SMC6: variants seen among roughly 807,000 people sequenced by gnomAD.
SMC6 encodes the protein structural maintenance of chromosomes protein 6.
SMC6 carries 79 observed loss-of-function variants against 142.2 expected under a neutral mutation model. The observed-to-expected ratio is 0.56, with a 90% confidence interval of 0.46 to 0.67. The LOEUF is 0.67. Ranked by LOEUF, SMC6 falls within the 30% of genes least tolerant of loss-of-function variation. SMC6 has a pLI of 0.00. For missense variants in SMC6, 1,072 were observed against 1,284.0 expected, an observed-to-expected ratio of 0.83 and a Z score of 2.52; for synonymous variants, 411 against 412.4, an observed-to-expected ratio of 1.00 and a Z score of 0.04.
chr2:17,727,479 T>C (rs1044923878), intron 7 of SMC6, among the ~76,000 whole-genome samples: 1 of 149,408 alleles, frequency 6.7e-6, no homozygotes, highest in Non-Finnish European at 1.5e-5. Context: ...CTTGTGATCA[T>C]GTGAGTTAAT....
intron 6 of SMC6, 84 bp from the exon 7 acceptor site, chr2:17,731,223 A>AT (rs1669900728): frequency 1.1e-6 from 1 of 893,592 alleles, no homozygotes; most frequent in African/African-American, 1.7e-5. Flanking sequence ...CAAAATATAA[A>AT]TATTAGTTAG....
At chr2:17,724,787 T>C (rs1572333711) in intron 9 of SMC6, among the ~76,000 whole-genome samples, 1 of 152,360 alleles carries the variant, frequency 6.6e-6, no homozygotes, top group African/African-American at 2.4e-5. Context: ...TAAGGAATGT[T>C]AACATTTTAC....
intron 24 of SMC6, among the ~76,000 whole-genome samples, chr2:17,682,723 C>A (rs1178756653): frequency 6.6e-6 from 1 of 152,072 alleles, no homozygotes; most frequent in Non-Finnish European, 1.5e-5. Flanking sequence ...AGCCCACAAC[C>A]AACGGCTGCT....
At chr2:17,745,750 G>T in intron 3 of SMC6, 77 bp downstream of exon 3, 1 of 1,391,834 alleles carries the variant, frequency 7.2e-7, no homozygotes, top group Non-Finnish European at 9.6e-7. Flanking sequence ...TTGATTTTAA[G>T]TTATCACAGA....
chr2:17,696,212 T>A, intron 22 of SMC6, 77 bp downstream of exon 22: 1 of 1,514,212 alleles, frequency 6.6e-7, no homozygotes, highest in East Asian at 2.3e-5. Context: ...TTTAGAAACA[T>A]GACATTAGGG....
rs1042378205 is a variant in SMC6, at chr2:17,693,935, G to A, written c.2678+1217C>T. On this transcript the variant is annotated intron_variant, in intron 23 of 27. Coordinates refer to ENST00000448223, the MANE Select transcript of SMC6 (RefSeq NM_001142286.2). The stretch of plus-strand genomic sequence containing the variant: ...GAATCGCTTGAACCCGGGGGACAGA[G>A]GCTGCAGTGAGCCGAGATCACGCCA... Among the ~76,000 whole-genome samples, 8 of 147,318 alleles carry A rather than the reference G, an allele frequency of 5.4e-5. No homozygotes were observed. In the South Asian group the frequency reaches 1.3e-3, roughly 24 times the overall value.
chr2:17,693,190 C>T (rs1327249135), intron 23 of SMC6, among the ~76,000 whole-genome samples: 3 of 152,154 alleles, frequency 2.0e-5, no homozygotes, highest in Non-Finnish European at 2.9e-5. Context: ...ACCCAGCCAT[C>T]CCATTACTGG....
At chr2:17,747,094 G>A (rs892318898) in intron 2 of SMC6, among the ~76,000 whole-genome samples, 1 of 152,170 alleles carries the variant, frequency 6.6e-6, no homozygotes, top group African/African-American at 2.4e-5. Context: ...GACAAGTAGG[G>A]AGCCATGATA....
At chr2:17,696,454 T>C (rs776588375) in intron 21 of SMC6, 28 bp from the exon 22 acceptor site, 90 of 1,591,376 alleles carry the variant, frequency 5.7e-5, no homozygotes, top group Non-Finnish European at 7.5e-5. Context: ...GAATAAAAGA[T>C]TGTTTTAAAA....
intron 11 of SMC6, among the ~76,000 whole-genome samples, chr2:17,719,556 G>A (rs1043652296): frequency 1.3e-5 from 2 of 152,192 alleles, no homozygotes; most frequent in African/African-American, 4.8e-5. Flanking sequence ...AAAGAGGTGA[G>A]CATCTATTAC....
At chr2:17,750,275 G>A (rs1291952064) in intron 2 of SMC6, among the ~76,000 whole-genome samples, 1 of 152,116 alleles carries the variant, frequency 6.6e-6, no homozygotes, top group Non-Finnish European at 1.5e-5. Flanking sequence ...AGGGACAAAG[G>A]GAAGAGATAA....
chr2:17,702,875 C>T (rs1668338437), intron 19 of SMC6, among the ~76,000 whole-genome samples: 1 of 152,190 alleles, frequency 6.6e-6, no homozygotes, highest in South Asian at 2.1e-4. Flanking sequence ...CATTAAACCT[C>T]TTTTTCTTTA....
chr2:17,719,055 G>C (rs1274635915), intron 11 of SMC6, among the ~76,000 whole-genome samples: 1 of 152,144 alleles, frequency 6.6e-6, no homozygotes, highest in Non-Finnish European at 1.5e-5. Flanking sequence ...ACAAATATGA[G>C]AACTATTTCG....
intron 3 of SMC6, 65 bp downstream of exon 3, chr2:17,745,762 T>A (rs186318574): frequency 1.4e-6 from 2 of 1,476,248 alleles, no homozygotes; most frequent in Admixed American, 4.6e-5. Flanking sequence ...TATCACAGAA[T>A]GTGATATGAT....
chr2:17,725,852 C>T (rs76027619), intron 8 of SMC6, among the ~76,000 whole-genome samples: 1 of 151,976 alleles, frequency 6.6e-6, no homozygotes, highest in Non-Finnish European at 1.5e-5. Context: ...CTTTGGTAGG[C>T]CAAAGCAGGT....
chr2:17,677,621 A>T (rs1456186174), intron 25 of SMC6, among the ~76,000 whole-genome samples: 2 of 152,212 alleles, frequency 1.3e-5, no homozygotes, highest in African/African-American at 4.8e-5. Flanking sequence ...TAAAAATAAA[A>T]GTTTTGTAAT....
chr2:17,692,276 G>A (rs1305962101), intron 23 of SMC6, among the ~76,000 whole-genome samples: 1 of 152,180 alleles, frequency 6.6e-6, no homozygotes, highest in East Asian at 1.9e-4. Context: ...GAACAAAGCT[G>A]GAGGCATCAT....
intron 23 of SMC6, among the ~76,000 whole-genome samples, chr2:17,684,863 T>C (rs988251248): frequency 1.3e-5 from 2 of 151,580 alleles, no homozygotes; most frequent in African/African-American, 4.9e-5. Context: ...ACACGAACAT[T>C]AGACAAGTGC....
At position 17,695,274 on chromosome 2, in the gene SMC6, T is replaced by C. The variant is rs1314524896; in HGVS notation, c.2556A>G (p.Gln852=). Residue 852 remains glutamine, a synonymous_variant, in exon 23 of 28, where the codon CAA becomes CAG. Coordinates refer to ENST00000448223, the MANE Select transcript of SMC6 (RefSeq NM_001142286.2). ...ELEEKMSQAR[Q]ICPERIEVEK... ...CTACTTCTATACGCTCTGGGCAGATTTGTCTTGCTTGTGACATTTTCTCCT... is the reference window on the plus strand; with the variant it reads ...CTACTTCTATACGCTCTGGGCAGATCTGTCTTGCTTGTGACATTTTCTCCT... 5 of 1,612,610 alleles carry C rather than the reference T, an allele frequency of 3.1e-6. No individual in the cohort carries two copies. In the African/African-American group the frequency reaches 5.3e-5, roughly 17 times the overall value.
Sources: gnomAD v4.1 joint callset for allele counts (sites outside exome capture counted in the v4.1 genomes callset) on GRCh38, gnomAD v4.1.1 for gene constraint, MANE v1.5 for transcripts, NCBI Gene and HGNC (gene_info 2026-07-23, HGNC 2026-07-21) for gene names.